DCUN1D1: variants seen among roughly 807,000 people sequenced by gnomAD.
DCUN1D1 encodes DCN1-like protein 1.
Under a neutral mutation model 39.0 loss-of-function variants are expected in DCUN1D1, and 3 were observed. The ratio of observed to expected loss-of-function variants is 0.08; its 90% CI spans 0.04 to 0.20. The LOEUF (loss-of-function observed/expected upper bound fraction) is 0.20. Ranked by LOEUF, DCUN1D1 falls within the 10% of genes least tolerant of loss-of-function variation. The pLI is 1.00. For missense variants in DCUN1D1, 158 were observed against 302.4 expected (o/e 0.52, Z 3.54); for synonymous variants, 82 against 96.3 (o/e 0.85, Z 0.87).
At chr3:182,978,610 A>G (rs1030669446) in intron 1 of DCUN1D1, among the ~76,000 whole-genome samples, 1 of 152,094 alleles carries the variant, frequency 6.6e-6, no homozygotes, top group African/African-American at 2.4e-5. Context: ...TAGGCTCTCA[A>G]GCAATCCTCC....
At position 182,940,273 on chromosome 3, in the gene DCUN1D1, T is replaced by C. The variant is rs1441304005; in HGVS notation, c.*4821A>G. 6.6e-6 allele frequency: 1 copy of C among 152,192 alleles called. No homozygotes were observed. The highest frequency in any genetic ancestry group is 1.5e-5 in the Non-Finnish European group (1 of 68,032). 9.4% of individuals were successfully genotyped at this position (152,192 alleles called of 1,614,324 possible). On this transcript the variant is annotated 3_prime_UTR_variant, in exon 7 of 7. Coordinates refer to ENST00000292782, the MANE Select transcript of DCUN1D1 (RefSeq NM_020640.4). ...CATAACCTGAAATAAAATTATAATA[T>C]TCATATGAACATGCATTTGAATATA...
At chr3:182,984,306 T>C (rs79251911), upstream of DCUN1D1, among the ~76,000 whole-genome samples, 4,257 of 152,302 alleles carry the variant, frequency 0.028, 77 homozygotes, top group East Asian at 0.1. Flanking sequence ...ATCATCATGA[T>C]TGGGTGAGAT....
At chr3:182,969,975 C>G (rs1274631488) in intron 1 of DCUN1D1, among the ~76,000 whole-genome samples, 1 of 152,100 alleles carries the variant, frequency 6.6e-6, no homozygotes, top group Non-Finnish European at 1.5e-5. Context: ...AGAGAATCAG[C>G]CAGGTGCAGT....
chr3:182,969,228 A>T lies in DCUN1D1; in HGVS notation c.4-3475T>A, dbSNP rs1168703495. ...TCTGTAGTCTCAAAGGCTATCCTAGAATAAAGCTGGAGTATACCTGACCAA... is the reference window on the plus strand; with the variant it reads ...TCTGTAGTCTCAAAGGCTATCCTAGTATAAAGCTGGAGTATACCTGACCAA... On this transcript the variant is annotated intron_variant, in intron 1 of 6. Transcript: ENST00000292782. 6.6e-5 allele frequency among the ~76,000 whole-genome samples: 10 copies of T among 152,258 alleles called. 1 individual carries two copies. Among genetic ancestry groups the T allele is most frequent in the Admixed American group, 6.5e-4 (10 of 15,290 alleles).
At chr3:182,975,682 T>TAAAAAAAAAAAAAAAA (rs56722976) in intron 1 of DCUN1D1, among the ~76,000 whole-genome samples, 1 of 121,994 alleles carries the variant, frequency 8.2e-6, no homozygotes, top group Non-Finnish European at 1.7e-5. Context: ...CTTGCTGGGT[T>TAAAAAAAAAAAAAAAA]AAAAAAAAAA....
intron 1 of DCUN1D1, among the ~76,000 whole-genome samples, chr3:182,975,399 A>G (rs193022442): frequency 1.1e-3 from 162 of 151,868 alleles, no homozygotes; most frequent in Non-Finnish European, 1.9e-3. Flanking sequence ...GATGGTCTTG[A>G]TCTCCTGACC....
chr3:182,961,143 C>T, intron 4 of DCUN1D1, 83 bp downstream of exon 4: 2 of 1,006,786 alleles, frequency 2.0e-6, no homozygotes, highest in Non-Finnish European at 2.9e-6. Flanking sequence ...GCTCAAAACA[C>T]ATAACTTTCT....
chr3:182,941,097 C>G lies in DCUN1D1; in HGVS notation c.*3997G>C, dbSNP rs1726114257. On this transcript the variant is annotated 3_prime_UTR_variant, in exon 7 of 7. Coordinates refer to ENST00000292782, the MANE Select transcript of DCUN1D1 (RefSeq NM_020640.4). ...TGGTGAGCAAGAAATGCTACTTACT[C>G]AACAGGTAGGAAAGAAAATAAGATA... is the stretch of plus-strand genomic sequence containing the variant. The G allele has an allele frequency of 6.6e-6, 1 of 151,990 alleles. No homozygotes were observed. Among genetic ancestry groups the G allele is most frequent in the Non-Finnish European group, 1.5e-5 (1 of 67,962 alleles). The allele number at this position is 151,990 out of a possible 1,614,324, so 9.4% of individuals were successfully genotyped here.
At chr3:182,948,963 G>A (rs997807156) in intron 4 of DCUN1D1, among the ~76,000 whole-genome samples, 3 of 149,640 alleles carry the variant, frequency 2.0e-5, no homozygotes, top group South Asian at 4.3e-4. Flanking sequence ...CTAGAGAATC[G>A]CTTGAAACCG....
At position 182,944,236 on chromosome 3, in the gene DCUN1D1, TTAAA is replaced by T. The variant is rs1177540298; in HGVS notation, c.*854_*857del. ...AGCAATCCAAAACATTCAAAACAAA[TTAAA>T]TAGTTTAACTTATGTGACAGGCAGA... is the stretch of plus-strand genomic sequence containing the variant. On this transcript the variant is annotated 3_prime_UTR_variant, in exon 7 of 7. Transcript: ENST00000292782. 6.6e-6 allele frequency: 1 copy of T among 152,536 alleles called. No individual in the cohort carries two copies. Among genetic ancestry groups the T allele is most frequent in the Non-Finnish European group, 1.5e-5 (1 of 68,008 alleles). The allele number at this position is 152,536 out of a possible 1,614,324, so 9.4% of individuals were successfully genotyped here. A position where few individuals can be genotyped will look rare whatever the true frequency, so the allele number is the denominator to read the frequency against.
chr3:182,946,933 T>G (rs1726440522), intron 6 of DCUN1D1, among the ~76,000 whole-genome samples: 1 of 152,092 alleles, frequency 6.6e-6, no homozygotes, highest in East Asian at 1.9e-4. Flanking sequence ...AGACCCCTGC[T>G]TCTATAAAAC....
upstream of DCUN1D1, chr3:182,980,650 C>T (rs1240683500): frequency 7.7e-6 from 7 of 909,564 alleles, no homozygotes; most frequent in African/African-American, 9.1e-5. Flanking sequence ...CTCGGGGAGG[C>T]GGAGGGACGG....
chr3:182,971,492 G>A (rs1362177766), intron 1 of DCUN1D1, among the ~76,000 whole-genome samples: 1 of 151,502 alleles, frequency 6.6e-6, no homozygotes, highest in Non-Finnish European at 1.5e-5. Context: ...AGGATCACTT[G>A]AGCCCGGGAG....
intron 4 of DCUN1D1, 55 bp downstream of exon 4, chr3:182,961,171 G>A (rs969372083): frequency 3.3e-6 from 4 of 1,211,096 alleles, no homozygotes; most frequent in Admixed American, 4.9e-5. Flanking sequence ...AAACGACACT[G>A]TCAATGTATT....
chr3:182,980,946 T>C (rs1162653033), upstream of DCUN1D1: 3 of 151,976 alleles, frequency 2.0e-5, no homozygotes, highest in Non-Finnish European at 4.4e-5. Context: ...CTGAAACGGA[T>C]GGTTGAGGAG....
chr3:182,982,675 T>C (rs189773105), upstream of DCUN1D1, among the ~76,000 whole-genome samples: 1 of 152,108 alleles, frequency 6.6e-6, no homozygotes, highest in Non-Finnish European at 1.5e-5. Context: ...TGGAGTCTAG[T>C]TCTGTCACCC....
At chr3:182,982,746 G>A (rs1728597859), upstream of DCUN1D1, among the ~76,000 whole-genome samples, 2 of 152,060 alleles carry the variant, frequency 1.3e-5, no homozygotes, top group Non-Finnish European at 2.9e-5. Flanking sequence ...AGGTTCAAGC[G>A]ATTCTCCTGT....
chr3:182,953,068 T>C (rs776403353), intron 4 of DCUN1D1, among the ~76,000 whole-genome samples: 1 of 152,230 alleles, frequency 6.6e-6, no homozygotes, highest in Non-Finnish European at 1.5e-5. Flanking sequence ...CTTTCACCTC[T>C]GAGCAAGTGA....
intron 6 of DCUN1D1, 91 bp downstream of exon 6, chr3:182,947,147 C>T: frequency 1.5e-6 from 1 of 664,048 alleles, no homozygotes; most frequent in Non-Finnish European, 2.5e-6. Context: ...GGAATTCCAA[C>T]TCCGAGAAAA....
Sources: gnomAD v4.1 joint callset for allele counts (sites outside exome capture counted in the v4.1 genomes callset) on GRCh38, gnomAD v4.1.1 for gene constraint, MANE v1.5 for transcripts, NCBI Gene and HGNC (gene_info 2026-07-23, HGNC 2026-07-21) for gene names.